Variants in ELOF1 observed in about 807,000 individuals in gnomAD.
ELOF1 encodes the protein transcription elongation factor 1 homolog.
ELOF1 carries 4 observed loss-of-function variants against 7.1 expected under a neutral mutation model. The ratio of observed to expected loss-of-function variants is 0.56; its 90% CI spans 0.28 to 1.29. The LOEUF (loss-of-function observed/expected upper bound fraction) is 1.29, where lower values mean the gene tolerates loss of function less well. ELOF1 is among the 50% of genes most tolerant of loss of function. ELOF1 has a pLI of 0.10. For synonymous variants in ELOF1, 31 were observed against 31.9 expected (o/e 0.97, Z 0.09); for missense variants, 59 against 86.3 (o/e 0.68, Z 1.25).
intron 3 of ELOF1, chr19:11,553,434 G>T (rs997625874): frequency 7.9e-6 from 4 of 509,424 alleles, no homozygotes; most frequent in Non-Finnish European, 1.4e-5. Context: ...AAAGGCTTTC[G>T]GAGCCAAGTG....
intron 1 of ELOF1, among the ~76,000 whole-genome samples, chr19:11,557,190 G>A (rs1333533443): frequency 6.6e-6 from 1 of 152,062 alleles, no homozygotes; most frequent in East Asian, 1.9e-4. Context: ...CCTCCCCTGA[G>A]AGCACATGTG....
chr19:11,557,768 C>T (rs893694354), intron 1 of ELOF1, among the ~76,000 whole-genome samples: 6 of 151,890 alleles, frequency 4.0e-5, no homozygotes, highest in Non-Finnish European at 7.4e-5. Flanking sequence ...TGGTGCACGC[C>T]TGTAATCCCA....
At chr19:11,554,460 T>C (rs1231075950) in intron 1 of ELOF1, 95 bp from the exon 2 acceptor site, 4 of 1,500,064 alleles carry the variant, frequency 2.7e-6, no homozygotes, top group Non-Finnish European at 3.6e-6. Context: ...GTCTGGGACT[T>C]GCACCGTGGT....
At chr19:11,557,862 A>G (rs1418463900) in intron 1 of ELOF1, among the ~76,000 whole-genome samples, 1 of 152,154 alleles carries the variant, frequency 6.6e-6, no homozygotes, top group African/African-American at 2.4e-5. Context: ...AGCCTGGGCA[A>G]CAGAGCAAAA....
At chr19:11,553,952 G>A in intron 3 of ELOF1, 59 bp downstream of exon 3, 1 of 1,612,752 alleles carries the variant, frequency 6.2e-7, no homozygotes, top group Middle Eastern at 1.7e-4. Context: ...CAGATGAGCA[G>A]GGTCCGGACT....
In ELOF1 at chr19:11,553,436, A is replaced by G; in HGVS notation, c.188-381T>C. The G allele has an allele frequency of 5.8e-6, 3 of 517,534 alleles. No homozygotes were observed. In the South Asian group the frequency reaches 9.3e-5, roughly 16 times the overall value. 32.1% of individuals were successfully genotyped at this position (517,534 alleles called of 1,614,324 possible). A position where few individuals can be genotyped will look rare whatever the true frequency, so the allele number is the denominator to read the frequency against. ...CAGGGAACACAGCAAAGGCTTTCGG[A>G]GCCAAGTGAGATCAGTTCAGGCCCC... On this transcript the variant is annotated intron_variant, in intron 3 of 3. Coordinates refer to ENST00000586683, the Ensembl canonical transcript of ELOF1.
intron 3 of ELOF1, chr19:11,553,761 C>T (rs1488367051): frequency 2.5e-6 from 4 of 1,614,138 alleles, no homozygotes; most frequent in East Asian, 4.5e-5. Context: ...GATTGGCCGC[C>T]TCGCAGGCGT....
intron 1 of ELOF1, chr19:11,554,763 G>T (rs565844789): frequency 4.6e-6 from 1 of 219,134 alleles, no homozygotes; most frequent in Admixed American, 5.4e-5. Context: ...GCAACATAGT[G>T]AGGCCTCATC....
At chr19:11,553,850 C>A (rs759074822) in intron 3 of ELOF1, 40 bp from the exon 4 acceptor site, 4 of 1,613,830 alleles carry the variant, frequency 2.5e-6, no homozygotes, top group Admixed American at 3.3e-5. Flanking sequence ...GGCATTGGAA[C>A]CCTGCCCTGC....
chr19:11,559,064 G>A (rs1391979436), intron 1 of ELOF1, 127 bp downstream of exon 1: 2 of 151,998 alleles, frequency 1.3e-5, no homozygotes, highest in Non-Finnish European at 2.9e-5. Context: ...CAGTCTCCCC[G>A]ACCGGCTTTC....
intron 1 of ELOF1, among the ~76,000 whole-genome samples, chr19:11,557,756 G>A (rs1342910951): frequency 2.6e-5 from 4 of 151,806 alleles, no homozygotes; most frequent in African/African-American, 9.7e-5. Context: ...AGCCAGGCAT[G>A]GTGGTGCACG....
At chr19:11,558,177 T>C (rs1411318301) in intron 1 of ELOF1, among the ~76,000 whole-genome samples, 1 of 152,150 alleles carries the variant, frequency 6.6e-6, no homozygotes, top group East Asian at 1.9e-4. Flanking sequence ...TCAGAAACCT[T>C]GGATTCATCC....
At chr19:11,554,519 A>G in intron 1 of ELOF1, 154 bp from the exon 2 acceptor site, 1 of 1,102,390 alleles carries the variant, frequency 9.1e-7, no homozygotes, top group Non-Finnish European at 1.3e-6. Context: ...CTGATGCAGG[A>G]GGACAATTCC....
intron 1 of ELOF1, among the ~76,000 whole-genome samples, chr19:11,557,668 G>C (rs1243852742): frequency 2.0e-5 from 3 of 148,272 alleles, no homozygotes; most frequent in African/African-American, 7.5e-5. Flanking sequence ...GCCGAGGTGG[G>C]CAGATCACGA....
At chr19:11,557,208 G>A (rs1462984035) in intron 1 of ELOF1, among the ~76,000 whole-genome samples, 1 of 152,104 alleles carries the variant, frequency 6.6e-6, no homozygotes, top group Non-Finnish European at 1.5e-5. Flanking sequence ...GTGGCTCTCA[G>A]GATGCCATGT....
At position 11,555,158 on chromosome 19, in the gene ELOF1, G is replaced by A. The variant is rs372746994; in HGVS notation, c.-18-793C>T. ...CGTAACCCCAGCTACTCAGGAGGCT[G>A]AGGCAGGAGACTCACCTGAACCCAA... On this transcript the variant is annotated intron_variant, in intron 1 of 3. Transcript: ENST00000586683. 1,072 of 243,154 alleles carry A rather than the reference G, an allele frequency of 4.4e-3. 41 individuals are homozygous for A. Among genetic ancestry groups the A allele is most frequent in the South Asian group, 0.036 (1,043 of 29,088 alleles). The allele number at this position is 243,154 out of a possible 1,614,324, so 15.1% of individuals were successfully genotyped here. A position where few individuals can be genotyped will look rare whatever the true frequency, so the allele number is the denominator to read the frequency against.
At chr19:11,555,265 A>C in intron 1 of ELOF1, 2 of 183,640 alleles carry the variant, frequency 1.1e-5, no homozygotes, top group South Asian at 1.5e-4. Flanking sequence ...TCAAAAAAAA[A>C]AAAAAAAAAA....
chr19:11,553,838 T>C lies in ELOF1; in HGVS notation c.187+173A>G, dbSNP rs968811861. On this transcript the variant is annotated intron_variant, in intron 3 of 3. Transcript: ENST00000586683. ...GGGCCACTTAGGTCAAGGGCGATCA[T>C]TGGCATTGGAACCCTGCCCTGCATC... is the stretch of plus-strand genomic sequence containing the variant. 6.2e-6 allele frequency: 10 copies of C among 1,614,032 alleles called. No individual in the cohort carries two copies. The Admixed American group carries it at 1.0e-4, about 16-fold the overall frequency.
At chr19:11,557,585 A>G (rs1972851270) in intron 1 of ELOF1, among the ~76,000 whole-genome samples, 1 of 131,106 alleles carries the variant, frequency 7.6e-6, no homozygotes, top group Non-Finnish European at 1.5e-5. Flanking sequence ...AACAGAGCAA[A>G]ACTTCATCTA....
Sources: allele counts gnomAD v4.1 joint callset (sites outside exome capture counted in the v4.1 genomes callset), GRCh38; gene constraint gnomAD v4.1.1; transcripts MANE v1.5; gene names NCBI Gene and HGNC (gene_info 2026-07-23, HGNC 2026-07-21).